Variants in TMEM232 observed in about 807,000 individuals in gnomAD.
The protein encoded by TMEM232 is transmembrane protein 232.
A neutral mutation model predicts 78.8 loss-of-function variants in TMEM232; 80 were observed. The ratio of observed to expected loss-of-function variants is 1.01; its 90% CI spans 0.85 to 1.22. The LOEUF (loss-of-function observed/expected upper bound fraction) is 1.22. Among genes scored for constraint, TMEM232 ranks in the 50% most tolerant of loss-of-function variants. The pLI is 0.00. For synonymous variants in TMEM232, 297 were observed against 254.3 expected, an observed-to-expected ratio of 1.17 and a Z score of -1.60; for missense variants, 881 against 742.2, an observed-to-expected ratio of 1.19 and a Z score of -2.17.
intron 1 of TMEM232, among the ~76,000 whole-genome samples, chr5:110,720,229 G>C (rs1797453980): frequency 6.6e-6 from 1 of 152,184 alleles, no homozygotes; most frequent in South Asian, 2.1e-4. Context: ...CTCTTCTCTT[G>C]TGAAACCTCT....
At chr5:110,660,543 A>G (rs1036271277) in intron 2 of TMEM232, among the ~76,000 whole-genome samples, 4 of 152,114 alleles carry the variant, frequency 2.6e-5, no homozygotes, top group African/African-American at 9.7e-5. Flanking sequence ...ATAAAAAGAA[A>G]CACTGATTAC....
intron 2 of TMEM232, among the ~76,000 whole-genome samples, chr5:110,658,163 C>A (rs1293117698): frequency 6.6e-6 from 1 of 152,118 alleles, no homozygotes; most frequent in African/African-American, 2.4e-5. Context: ...TTCTGACTCA[C>A]TGATTTGGGG....
chr5:110,404,940 G>A (rs1439328331), intron 2 of TMEM232, among the ~76,000 whole-genome samples: 2 of 151,984 alleles, frequency 1.3e-5, no homozygotes, highest in African/African-American at 4.8e-5. Context: ...TTTGAATCTG[G>A]AAGATTCCAA....
At chr5:110,444,745 A>G (rs905692598) in intron 12 of TMEM232, among the ~76,000 whole-genome samples, 2 of 152,234 alleles carry the variant, frequency 1.3e-5, no homozygotes, top group Non-Finnish European at 1.5e-5. Flanking sequence ...TTTGAGCACA[A>G]TTTGGACCAT....
chr5:110,556,469 C>G (rs1421575546), intron 11 of TMEM232, among the ~76,000 whole-genome samples: 2 of 151,982 alleles, frequency 1.3e-5, no homozygotes, highest in Admixed American at 1.3e-4. Context: ...CTCACTGCAA[C>G]CTCTGCCTCC....
intron 1 of TMEM232, among the ~76,000 whole-genome samples, chr5:110,683,391 C>CA (rs1357718286): frequency 6.6e-6 from 1 of 151,786 alleles, no homozygotes; most frequent in East Asian, 1.9e-4. Flanking sequence ...TACACACACA[C>CA]ACATATATAT....
chr5:110,626,133 T>C (rs529647839), intron 6 of TMEM232, among the ~76,000 whole-genome samples: 191 of 152,112 alleles, frequency 1.3e-3, no homozygotes, highest in Non-Finnish European at 2.3e-3. Flanking sequence ...GGCTCTATTA[T>C]ATTTGGTAAG....
chr5:110,440,967 C>G (rs1758967414), intron 12 of TMEM232, among the ~76,000 whole-genome samples: 1 of 152,160 alleles, frequency 6.6e-6, no homozygotes, highest in African/African-American at 2.4e-5. Flanking sequence ...TAGGCTCTTT[C>G]CATGTTTTAA....
At chr5:110,712,608 AAATGGAAAGAAC>A (rs1310385969) in intron 1 of TMEM232, among the ~76,000 whole-genome samples, 1 of 152,188 alleles carries the variant, frequency 6.6e-6, no homozygotes, top group Non-Finnish European at 1.5e-5. Flanking sequence ...CCACCGATCA[AAATGGAAAGAAC>A]GTCCCCTTTG....
At chr5:110,590,174 G>C (rs772867682) in intron 10 of TMEM232, among the ~76,000 whole-genome samples, 24 of 152,198 alleles carry the variant, frequency 1.6e-4, no homozygotes, top group Non-Finnish European at 2.8e-4. Context: ...TATTGCCAGA[G>C]ACCCCAACTT....
At chr5:110,729,042 G>A (rs571178286), upstream of TMEM232, among the ~76,000 whole-genome samples, 518 of 151,722 alleles carry the variant, frequency 3.4e-3, 3 homozygotes, top group African/African-American at 0.012. Flanking sequence ...CTGCCACCAC[G>A]CCTGGGTAAT....
At chr5:110,738,749 G>A, upstream of TMEM232, 1 of 273,146 alleles carries the variant, frequency 3.7e-6, no homozygotes, top group Non-Finnish European at 6.9e-6. Context: ...CGGGTTATCG[G>A]CTCCCTCCAA....
chr5:110,395,289 G>A (rs953449125), intron 3 of TMEM232, among the ~76,000 whole-genome samples: 9 of 152,128 alleles, frequency 5.9e-5, no homozygotes, highest in African/African-American at 2.2e-4. Flanking sequence ...TGCATCAGCA[G>A]GGACACATTT....
At chr5:110,409,925 TA>T (rs1755927350) in intron 2 of TMEM232, among the ~76,000 whole-genome samples, 2 of 152,318 alleles carry the variant, frequency 1.3e-5, no homozygotes, top group African/African-American at 2.4e-5. Context: ...CACGCCTAAC[TA>T]AAGCCCCATC....
intron 2 of TMEM232, among the ~76,000 whole-genome samples, chr5:110,644,490 C>T (rs745785595): frequency 2.0e-5 from 3 of 151,846 alleles, no homozygotes; most frequent in African/African-American, 4.8e-5. Flanking sequence ...GCTTCCAATT[C>T]GAACTGTCAA....
At chr5:110,520,304 CATA>C (rs1244276490) in intron 12 of TMEM232, among the ~76,000 whole-genome samples, 3 of 151,474 alleles carry the variant, frequency 2.0e-5, no homozygotes, top group Non-Finnish European at 4.4e-5. Flanking sequence ...AGTATGTATT[CATA>C]ATAATTAAAA....
chr5:110,692,587 G>A (rs1029590339), intron 1 of TMEM232, among the ~76,000 whole-genome samples: 7 of 152,266 alleles, frequency 4.6e-5, no homozygotes, highest in Middle Eastern at 3.4e-3. Flanking sequence ...ATGGAATATC[G>A]GGTCACTCCC....
At chr5:110,448,489 C>T (rs1561508125) in intron 12 of TMEM232, among the ~76,000 whole-genome samples, 1 of 152,124 alleles carries the variant, frequency 6.6e-6, no homozygotes, top group Non-Finnish European at 1.5e-5. Context: ...CACTCAATTA[C>T]ATTAAACATA....
chr5:110,428,635 A>G (rs887395443), intron 12 of TMEM232, among the ~76,000 whole-genome samples: 9 of 150,514 alleles, frequency 6.0e-5, no homozygotes, highest in Non-Finnish European at 1.5e-5. Context: ...GCACTTACAT[A>G]TCCTCCTGTC....
Sources: gnomAD v4.1 joint callset for allele counts (sites outside exome capture counted in the v4.1 genomes callset) on GRCh38, gnomAD v4.1.1 for gene constraint, MANE v1.5 for transcripts, NCBI Gene and HGNC (gene_info 2026-07-23, HGNC 2026-07-21) for gene names.